The following ODF2 variants were observed in gnomAD, a reference collection of about 807,000 sequenced individuals.
ODF2 encodes the protein outer dense fiber of sperm tails 2, also known as outer dense fiber protein 2.
A neutral mutation model predicts 110.2 loss-of-function variants in ODF2; 47 were observed. That is an observed-to-expected ratio of 0.43 (90% CI 0.34 to 0.54). The LOEUF (loss-of-function observed/expected upper bound fraction) is 0.54. Among genes scored for constraint, ODF2 ranks in the 20% least tolerant of loss-of-function variants. ODF2 has a pLI of 0.03. For synonymous variants in ODF2, 352 were observed against 397.7 expected, an observed-to-expected ratio of 0.89 and a Z score of 1.37; for missense variants, 812 against 1,054.5, an observed-to-expected ratio of 0.77 and a Z score of 3.19.
intron 2 of ODF2, chr9:128,457,464 G>C (rs368608354): frequency 5.6e-4 from 886 of 1,591,402 alleles, no homozygotes; most frequent in Non-Finnish European, 7.1e-4. Context: ...AGGCGCCTGC[G>C]CCGGAGGGCA....
intron 1 of ODF2, 128 bp downstream of exon 1, chr9:128,456,383 C>A: frequency 7.0e-7 from 1 of 1,429,302 alleles, no homozygotes; most frequent in South Asian, 1.5e-5. Flanking sequence ...CCGCGTTGCG[C>A]TCGTCCCCCT....
chr9:128,489,946 A>G (rs927585485), intron 14 of ODF2, among the ~76,000 whole-genome samples: 1 of 152,226 alleles, frequency 6.6e-6, no homozygotes, highest in Non-Finnish European at 1.5e-5. Context: ...GTAGCTTGGT[A>G]TTGAGTGTCT....
intron 3 of ODF2, chr9:128,460,115 C>A: frequency 7.7e-7 from 1 of 1,292,020 alleles, no homozygotes; most frequent in Non-Finnish European, 1.0e-6. Context: ...TATTCTGCAC[C>A]CTGAGCATTT....
intron 9 of ODF2, 136 bp downstream of exon 9, chr9:128,481,787 A>C (rs1360262092): frequency 1.6e-6 from 1 of 620,608 alleles, no homozygotes; most frequent in African/African-American, 1.9e-5. Flanking sequence ...CGATCTGTAA[A>C]ATGGGCTGAT....
chr9:128,477,336 G>C (rs1355495248), intron 8 of ODF2, among the ~76,000 whole-genome samples: 1 of 151,838 alleles, frequency 6.6e-6, no homozygotes, highest in Non-Finnish European at 1.5e-5. Context: ...ATTGCTTGAG[G>C]CCAGGAGTTT....
intron 3 of ODF2, 64 bp downstream of exon 2, chr9:128,459,721 G>A (rs1378225800): frequency 2.1e-5 from 27 of 1,266,512 alleles, no homozygotes; most frequent in South Asian, 5.0e-5. Flanking sequence ...TTTGCACACC[G>A]TTTCTAGGAG....
chr9:128,455,553 CAAAAAAAAAAAAAAAAAA>C (rs55634490), upstream of ODF2, among the ~76,000 whole-genome samples: 1,170 of 56,732 alleles, frequency 0.021, 50 homozygotes, highest in African/African-American at 0.075. Flanking sequence ...GAATCTGTCT[CAAAAAAAAAAAAAAAAAA>C]AAAAAAAAAA....
intron 4 of ODF2, among the ~76,000 whole-genome samples, chr9:128,462,460 A>T (rs1447528101): frequency 6.6e-6 from 1 of 151,748 alleles, no homozygotes; most frequent in East Asian, 2.0e-4. Flanking sequence ...GAATCTTTTA[A>T]AACGTTTTTT....
rs745973592 is a variant in ODF2, at chr9:128,499,142, G to A, written c.2301+16G>A. The A allele has an allele frequency of 7.4e-6, 12 of 1,614,034 alleles. No homozygotes were observed. The highest frequency in any genetic ancestry group is 8.5e-6 in the Non-Finnish European group (10 of 1,179,952). On this transcript the variant is annotated intron_variant, in intron 20 of 20. Transcript: ENST00000604420. ...CCGTGATGATGTGAGTCAGGCTGGT[G>A]GGCCGGGCTAGGAGAGTGGGCAGCA...
chr9:128,486,850 T>C (rs1843456700), intron 13 of ODF2, among the ~76,000 whole-genome samples: 3 of 152,204 alleles, frequency 2.0e-5, no homozygotes, highest in Admixed American at 2.0e-4. Context: ...CCCAGGGTGC[T>C]CAGGGCCCTG....
chr9:128,494,805 A>G lies in ODF2; in HGVS notation c.1911+137A>G. On this transcript the variant is annotated intron_variant, in intron 17 of 20. Coordinates refer to ENST00000604420, the Ensembl canonical transcript of ODF2. The surrounding 1 kb of genome is among the most constrained non-coding windows in gnomAD (Gnocchi z 4.6). ...TTTTTAAAAGGAGTGAGCTATCATC[A>G]GTGCTGTGAAATAAAAGTCTGGTGT... is the stretch of plus-strand genomic sequence containing the variant. The G allele has an allele frequency of 6.4e-7, 1 of 1,552,562 alleles. No homozygotes were observed. Among genetic ancestry groups the G allele is most frequent in the Non-Finnish European group, 8.7e-7 (1 of 1,149,576 alleles).
chr9:128,488,044 G>A lies in ODF2; in HGVS notation c.1536+19G>A. 6.2e-7 allele frequency: 1 copy of A among 1,613,176 alleles called. No homozygotes were observed. The highest frequency in any genetic ancestry group is 8.5e-7 in the Non-Finnish European group (1 of 1,179,638). ...GCTGAAGGTTCGCAGTGAGAGCTGG[G>A]GACCAGGCAGCTGGATGGGGCCCAG... On this transcript the variant is annotated intron_variant, in intron 14 of 20. Coordinates refer to ENST00000604420, the Ensembl canonical transcript of ODF2.
At chr9:128,484,809 G>A (rs1165760977) in exon 12 of ODF2, 24 of 1,613,678 alleles carry the variant, frequency 1.5e-5, no homozygotes, top group Non-Finnish European at 1.9e-5. Flanking sequence ...CTTGAAGAAG[G>A]CCATCCGAGC....
At chr9:128,459,760 G>A (rs751683967) in intron 3 of ODF2, 103 bp downstream of exon 2, 18 of 781,986 alleles carry the variant, frequency 2.3e-5, no homozygotes, top group Middle Eastern at 2.4e-4. Context: ...CACCATCGCC[G>A]CCCAGTTGCT....
chr9:128,496,828 A>G (rs1375859230), intron 18 of ODF2, among the ~76,000 whole-genome samples: 1 of 152,094 alleles, frequency 6.6e-6, no homozygotes, highest in African/African-American at 2.4e-5. Flanking sequence ...CCTGGGCTCA[A>G]GCAATTCTCC....
At chr9:128,498,347 C>T in intron 18 of ODF2, 66 bp from the exon 19 acceptor site, 1 of 1,439,582 alleles carries the variant, frequency 6.9e-7, no homozygotes, top group Non-Finnish European at 9.1e-7. Flanking sequence ...GGCTGGCAGC[C>T]CCCTGGCGGG....
exon 8 of ODF2, chr9:128,473,698 A>C (rs1840591941): frequency 6.2e-6 from 10 of 1,613,752 alleles, no homozygotes; most frequent in Non-Finnish European, 8.5e-6. Context: ...GAGGAGACCA[A>C]CCGCACCCTC....
At chr9:128,487,834 CAA>C (rs1455120505) in intron 13 of ODF2, 54 bp from the exon 14 acceptor site, 38 of 1,527,842 alleles carry the variant, frequency 2.5e-5, no homozygotes, top group Middle Eastern at 1.7e-4. Context: ...CACACACACA[CAA>C]ACAAACCTGT....
chr9:128,456,857 C>T (rs1834990846), intron 1 of ODF2: 3 of 1,304,406 alleles, frequency 2.3e-6, no homozygotes, highest in East Asian at 6.8e-5. Flanking sequence ...GCCCGTGCAA[C>T]CTCCGCGCCT....
Sources: gnomAD v4.1 joint callset for allele counts (sites outside exome capture counted in the v4.1 genomes callset) on GRCh38, gnomAD v4.1.1 for gene constraint, Gnocchi (gnomAD v3.1) non-coding constraint, MANE v1.5 for transcripts, NCBI Gene and HGNC (gene_info 2026-07-23, HGNC 2026-07-21) for gene names.